Variants in SRGAP2B observed in about 807,000 individuals in gnomAD.
The protein encoded by SRGAP2B is SLIT-ROBO Rho GTPase activating protein 2B.
Under a neutral mutation model 22.2 loss-of-function variants are expected in SRGAP2B, and 9 were observed. The ratio of observed to expected loss-of-function variants is 0.41; its 90% CI spans 0.24 to 0.71. The LOEUF is 0.71. SRGAP2B is among the 30% of genes least tolerant of loss of function. The probability of loss-of-function intolerance (pLI) is 0.35; values close to 1 mark genes in which losing one functional copy is unlikely to be tolerated. For synonymous variants in SRGAP2B, 36 were observed against 87.4 expected (o/e 0.41, Z 3.28); for missense variants, 114 against 235.8 (o/e 0.48, Z 3.38).
At chr1:144,951,036 C>T (rs1333931917) in intron 4 of SRGAP2B, among the ~76,000 whole-genome samples, 61 of 150,340 alleles carry the variant, frequency 4.1e-4, no homozygotes, top group Admixed American at 3.0e-3. Flanking sequence ...TTTGTAGAGA[C>T]GGGGTTTCAC....
At chr1:144,994,588 GA>G in intron 3 of SRGAP2B, among the ~76,000 whole-genome samples, 2 of 149,276 alleles carry the variant, frequency 1.3e-5, no homozygotes, top group South Asian at 2.1e-4. Context: ...GAGAGAGAGA[GA>G]GAGAGAGAGA....
At chr1:144,998,891 C>G (rs1435068702) in intron 2 of SRGAP2B, among the ~76,000 whole-genome samples, 2 of 151,008 alleles carry the variant, frequency 1.3e-5, no homozygotes, top group Admixed American at 1.3e-4. Flanking sequence ...AGTCCCCGTT[C>G]ATGCACACAA....
At chr1:145,031,711 G>A (rs587669722) in intron 2 of SRGAP2B, among the ~76,000 whole-genome samples, 2 of 145,440 alleles carry the variant, frequency 1.4e-5, no homozygotes, top group South Asian at 4.3e-4. Context: ...GCCCGGAGTG[G>A]TGGTGGGCGC....
chr1:145,016,856 GT>G (rs1185140208), intron 2 of SRGAP2B, among the ~76,000 whole-genome samples: 8 of 120,822 alleles, frequency 6.6e-5, no homozygotes, highest in Non-Finnish European at 1.3e-4. Flanking sequence ...TTTTTTTTTT[GT>G]TTTTTTTTTG....
At chr1:144,924,522 C>T (rs1325987883) in intron 4 of SRGAP2B, among the ~76,000 whole-genome samples, 71 of 150,042 alleles carry the variant, frequency 4.7e-4, no homozygotes, top group African/African-American at 1.6e-3. Flanking sequence ...GGGCGGATCA[C>T]GAGGTCAGGA....
chr1:145,012,855 C>A (rs1241632514), intron 2 of SRGAP2B, among the ~76,000 whole-genome samples: 1 of 146,094 alleles, frequency 6.8e-6, no homozygotes, highest in Non-Finnish European at 1.5e-5. Context: ...GAGGCTGAGG[C>A]AGGCAGATCA....
intron 4 of SRGAP2B, among the ~76,000 whole-genome samples, chr1:144,952,560 C>T (rs1276185512): frequency 6.7e-6 from 1 of 149,856 alleles, no homozygotes; most frequent in African/African-American, 2.5e-5. Context: ...AGTGCAGTGG[C>T]ATGATTACAG....
intron 3 of SRGAP2B, among the ~76,000 whole-genome samples, chr1:144,973,114 A>G (rs1451614114): frequency 6.7e-6 from 1 of 148,360 alleles, no homozygotes; most frequent in Non-Finnish European, 1.5e-5. Flanking sequence ...TCTCAACAAA[A>G]AAAAGAATAA....
chr1:145,036,114 T>C (rs587606102), intron 2 of SRGAP2B, among the ~76,000 whole-genome samples: 2 of 138,286 alleles, frequency 1.4e-5, no homozygotes, highest in African/African-American at 5.8e-5. Context: ...TTCTGACTCA[T>C]GTTTGGAACT....
intron 4 of SRGAP2B, among the ~76,000 whole-genome samples, chr1:144,939,558 C>T (rs1287846277): frequency 1.4e-5 from 2 of 142,922 alleles, no homozygotes; most frequent in Non-Finnish European, 3.0e-5. Context: ...ATGTTTTAAG[C>T]TTGCTCTGCA....
intron 2 of SRGAP2B, among the ~76,000 whole-genome samples, chr1:145,071,641 AAAC>A (rs1381914024): frequency 3.6e-5 from 3 of 83,052 alleles, no homozygotes; most frequent in Non-Finnish European, 6.7e-5. Flanking sequence ...AGATGCTAGA[AAAC>A]AACGATAAAC....
At chr1:144,994,197 GT>G (rs1271367154) in intron 3 of SRGAP2B, among the ~76,000 whole-genome samples, 2 of 131,964 alleles carry the variant, frequency 1.5e-5, no homozygotes, top group African/African-American at 5.8e-5. Context: ...TTGGTCTGGA[GT>G]GGGGCCCAGA....
rs1553604881 is a variant in SRGAP2B at position 144,925,727 on chromosome 1, A to AAAAGAAGGAAAG, written c.424-10974_424-10973insCTTTCCTTCTTT. On this transcript the variant is annotated intron_variant, in intron 4 of 9. Transcript: ENST00000612199. ...GAGAGAAAGAGAGAGAGAGAGAAAGAAAAGAAAGAAAGAAAGAAAGAAAGA... is the reference window on the plus strand; with the variant it reads ...GAGAGAAAGAGAGAGAGAGAGAAAGAAAAGAAGGAAAGAAAGAAAGAAAGAAAGAAAGAAAGA... Among the ~76,000 whole-genome samples the AAAAGAAGGAAAG allele has an allele frequency of 4.8e-5, 5 of 104,156 alleles. 1 individual carries two copies. The highest frequency in any genetic ancestry group is 9.6e-5 in the Non-Finnish European group (5 of 52,204). 68.3% of individuals were successfully genotyped at this position (104,156 alleles called of 152,430 possible).
chr1:144,957,831 G>T (rs1249647235), intron 3 of SRGAP2B, among the ~76,000 whole-genome samples: 1 of 147,028 alleles, frequency 6.8e-6, no homozygotes, highest in Non-Finnish European at 1.5e-5. Flanking sequence ...GTGTCTCTCG[G>T]CAAGATACCC....
rs11249396 is a variant in SRGAP2B, at chr1:145,023,182, T to A, written c.68-27982A>T. 9.5e-4 allele frequency among the ~76,000 whole-genome samples: 129 copies of A among 136,050 alleles called. 2 individuals carry two copies. The highest frequency in any genetic ancestry group is 3.1e-3 in the African/African-American group (113 of 36,476). 89.3% of individuals were successfully genotyped at this position (136,050 alleles called of 152,430 possible). ...CTCTGTCTCAAAAAAAAAAAAAAAA[T>A]TTAAATTTAAAAAATTAAAAAGAAG... On this transcript the variant is annotated intron_variant, in intron 2 of 9. Transcript: ENST00000612199.
At chr1:144,920,930 A>T (rs1664200078) in intron 4 of SRGAP2B, among the ~76,000 whole-genome samples, 1 of 150,086 alleles carries the variant, frequency 6.7e-6, no homozygotes, top group Admixed American at 6.6e-5. Context: ...AGGTTCAATT[A>T]TTGAATGCTG....
intron 2 of SRGAP2B, among the ~76,000 whole-genome samples, chr1:145,069,391 G>GAGCACAGCCAAGCAGGC (rs2102438396): frequency 7.2e-5 from 7 of 96,978 alleles, no homozygotes; most frequent in Non-Finnish European, 1.4e-4. Context: ...CTGCTCAGTT[G>GAGCACAGCCAAGCAGGC]CGGCACAGCC....
chr1:144,930,295 C>T (rs1175314667), intron 4 of SRGAP2B, among the ~76,000 whole-genome samples: 8 of 71,596 alleles, frequency 1.1e-4, no homozygotes, highest in South Asian at 1.1e-3. Context: ...TTTCCCAGGA[C>T]GTGGTAACCA....
intron 4 of SRGAP2B, among the ~76,000 whole-genome samples, chr1:144,952,562 T>C (rs1399377316): frequency 2.7e-5 from 4 of 149,936 alleles, no homozygotes; most frequent in African/African-American, 5.0e-5. Context: ...TGCAGTGGCA[T>C]GATTACAGCT....
Sources: gnomAD v4.1 joint callset for allele counts (sites outside exome capture counted in the v4.1 genomes callset) on GRCh38, gnomAD v4.1.1 for gene constraint, MANE v1.5 for transcripts, NCBI Gene and HGNC (gene_info 2026-07-23, HGNC 2026-07-21) for gene names.